MFSD8: variants seen among roughly 807,000 people sequenced by gnomAD.
MFSD8 encodes major facilitator superfamily domain containing 8.
Under a neutral mutation model 66.4 loss-of-function variants are expected in MFSD8, and 55 were observed. The ratio of observed to expected loss-of-function variants is 0.83; its 90% CI spans 0.67 to 1.04. The LOEUF (loss-of-function observed/expected upper bound fraction) is 1.04, where lower values mean the gene tolerates loss of function less well. MFSD8 is among the 50% of genes least tolerant of loss of function. The probability of loss-of-function intolerance (pLI) is 0.00; values close to 1 mark genes in which losing one functional copy is unlikely to be tolerated. For missense variants in MFSD8, 550 were observed against 627.6 expected (o/e 0.88, Z 1.32); for synonymous variants, 202 against 212.8 (o/e 0.95, Z 0.44).
At chr4:127,953,546 T>TTG (rs1742370339) in intron 2 of MFSD8, among the ~76,000 whole-genome samples, 2 of 122,180 alleles carry the variant, frequency 1.6e-5, no homozygotes, top group African/African-American at 6.7e-5. Context: ...GCATTCTGTT[T>TTG]TTTTTTTTTT....
Position 127,955,898 on chromosome 4 carries a change from C to T in MFSD8, c.154+1603G>A, listed in dbSNP as rs140045991. ...CTTTGGGAGGCTGAGGCGGGCAGAT[C>T]ATGAGGTCACGAGATCGAGACCATC... On this transcript the variant is annotated intron_variant, in intron 2 of 11. Transcript: ENST00000641686. 7.5e-3 allele frequency among the ~76,000 whole-genome samples: 1,142 copies of T among 152,140 alleles called. 8 individuals carry two copies. The highest frequency in any genetic ancestry group is 9.3e-3 in the Non-Finnish European group (630 of 67,990).
rs1204863979 is a variant in MFSD8, at chr4:127,918,037, T to C, written c.*2593A>G. 1 of 152,212 alleles carries C rather than the reference T, an allele frequency of 6.6e-6. No homozygotes were observed. The allele number at this position is 152,212 out of a possible 1,614,324, so 9.4% of individuals were successfully genotyped here. A position where few individuals can be genotyped will look rare whatever the true frequency, so the allele number is the denominator to read the frequency against. On this transcript the variant is annotated 3_prime_UTR_variant, in exon 12 of 12. Transcript: ENST00000641686. Reference sequence around the variant, plus strand: ...GGTTTATATGAACAAGAAGAGTTTATTTTTAAATGTAAAGCTGAACAAGAT... The same window carrying C: ...GGTTTATATGAACAAGAAGAGTTTACTTTTAAATGTAAAGCTGAACAAGAT...
chr4:127,948,264 G>C (rs984964397), intron 3 of MFSD8, among the ~76,000 whole-genome samples: 1 of 151,996 alleles, frequency 6.6e-6, no homozygotes, highest in African/African-American at 2.4e-5. Flanking sequence ...AGTAATTATT[G>C]GTCACAGCTA....
At chr4:127,934,725 A>G (rs1316469992) in intron 7 of MFSD8, 1 of 151,516 alleles carries the variant, frequency 6.6e-6, no homozygotes, top group Non-Finnish European at 1.5e-5. Flanking sequence ...GACTACAGCT[A>G]TTTTTGTATT....
intron 3 of MFSD8, among the ~76,000 whole-genome samples, chr4:127,948,303 A>G (rs534850505): frequency 1.4e-4 from 22 of 152,238 alleles, no homozygotes; most frequent in African/African-American, 4.8e-4. Context: ...CTCCTAATAA[A>G]TAGAAAACAC....
At chr4:127,924,575 TA>T (rs1736888590) in intron 9 of MFSD8, among the ~76,000 whole-genome samples, 1 of 152,112 alleles carries the variant, frequency 6.6e-6, no homozygotes, top group Non-Finnish European at 1.5e-5. Flanking sequence ...AAACCACTGC[TA>T]AAGGACATAA....
intron 9 of MFSD8, among the ~76,000 whole-genome samples, chr4:127,923,514 C>T (rs953062602): frequency 6.7e-6 from 1 of 149,948 alleles, no homozygotes; most frequent in African/African-American, 2.5e-5. Context: ...TGATGTGCTG[C>T]TGAATTCAGT....
chr4:127,963,696 G>C (rs1168102010), intron 1 of MFSD8, among the ~76,000 whole-genome samples: 1 of 152,190 alleles, frequency 6.6e-6, no homozygotes, highest in Non-Finnish European at 1.5e-5. Context: ...CATAAAAGCC[G>C]TATGGTCCCA....
intron 7 of MFSD8, among the ~76,000 whole-genome samples, chr4:127,934,355 G>T (rs1435657689): frequency 6.6e-6 from 1 of 151,938 alleles, no homozygotes; most frequent in Non-Finnish European, 1.5e-5. Context: ...AGGATTTGAC[G>T]GTGGTTTTAT....
At position 127,918,316 on chromosome 4, in the gene MFSD8, C is replaced by T. The variant is rs1386466120; in HGVS notation, c.*2314G>A. On this transcript the variant is annotated 3_prime_UTR_variant, in exon 12 of 12. Transcript: ENST00000641686. ...CTCTTTTCCCAATCCCATGTTACTT[C>T]CTTTCGCCTTCTTTTGTGCCAAGAT... 2.0e-5 allele frequency: 3 copies of T among 152,088 alleles called. No homozygotes were observed. In the East Asian group the frequency reaches 5.8e-4, roughly 29 times the overall value. 9.4% of individuals were successfully genotyped at this position (152,088 alleles called of 1,614,324 possible).
intron 3 of MFSD8, among the ~76,000 whole-genome samples, chr4:127,949,051 C>T (rs1019859956): frequency 6.6e-6 from 1 of 152,112 alleles, no homozygotes; most frequent in Admixed American, 6.6e-5. Context: ...AAAAGTATTT[C>T]GTGATCAACA....
chr4:127,945,007 C>G lies in MFSD8; in HGVS notation c.199-1015G>C, dbSNP rs527877768. Among the ~76,000 whole-genome samples the G allele has an allele frequency of 7.9e-5, 12 of 152,152 alleles. No homozygotes were observed. The South Asian group carries it at 2.5e-3, about 32-fold the overall frequency. On this transcript the variant is annotated intron_variant, in intron 3 of 11. Coordinates refer to ENST00000641686, the MANE Select transcript of MFSD8 (RefSeq NM_001371596.2). ...CGCACTCAGCCAGATTACTTTTTTT[C>G]ATATGTGGTAGGCTAAGCCAGGCGA...
At chr4:127,932,334 G>T (rs1447620126) in intron 8 of MFSD8, 5 of 152,070 alleles carry the variant, frequency 3.3e-5, no homozygotes, top group Admixed American at 3.3e-4. Context: ...CATAATCTAT[G>T]TAAGTTTAAT....
rs141923297 is a variant in MFSD8 at position 127,918,200 on chromosome 4, C to G, written c.*2430G>C. The G allele has an allele frequency of 3.9e-5, 6 of 152,284 alleles. No individual in the cohort carries two copies. Among genetic ancestry groups the G allele is most frequent in the African/African-American group, 1.2e-4 (5 of 41,576 alleles). The allele number at this position is 152,284 out of a possible 1,614,324, so 9.4% of individuals were successfully genotyped here. A position where few individuals can be genotyped will look rare whatever the true frequency, so the allele number is the denominator to read the frequency against. On this transcript the variant is annotated 3_prime_UTR_variant, in exon 12 of 12. Coordinates refer to ENST00000641686, the MANE Select transcript of MFSD8 (RefSeq NM_001371596.2). ...TTAACAATATATCATACCTTAAAAT[C>G]TCCTGTTGTCATTTTCTCTTTATAC...
intron 3 of MFSD8, among the ~76,000 whole-genome samples, chr4:127,949,450 C>T (rs2148942301): frequency 6.6e-6 from 1 of 152,258 alleles, no homozygotes; most frequent in East Asian, 1.9e-4. Flanking sequence ...ATATCATTTA[C>T]ACACTTTAGG....
intron 1 of MFSD8, among the ~76,000 whole-genome samples, chr4:127,963,270 GA>G (rs1472236246): frequency 1.2e-4 from 18 of 152,184 alleles, no homozygotes; most frequent in African/African-American, 4.3e-4. Flanking sequence ...TACTAAGACC[GA>G]TACCTTCAAG....
chr4:127,956,298 G>A (rs1578979276), intron 2 of MFSD8, among the ~76,000 whole-genome samples: 1 of 151,684 alleles, frequency 6.6e-6, no homozygotes, highest in Non-Finnish European at 1.5e-5. Context: ...GAGGTCAGGA[G>A]ATCAAGACAT....
intron 1 of MFSD8, among the ~76,000 whole-genome samples, chr4:127,959,401 GT>G (rs1743384792): frequency 6.6e-6 from 1 of 151,782 alleles, no homozygotes; most frequent in South Asian, 2.1e-4. Context: ...TTTTATTTTT[GT>G]TTTTTTAAAG....
chr4:127,964,377 G>A (rs1744552624), intron 1 of MFSD8, among the ~76,000 whole-genome samples: 1 of 152,222 alleles, frequency 6.6e-6, no homozygotes, highest in South Asian at 2.1e-4. Flanking sequence ...CCCGAGCCCT[G>A]CCCCGCGGGA....
Sources: allele counts gnomAD v4.1 joint callset (sites outside exome capture counted in the v4.1 genomes callset), GRCh38; gene constraint gnomAD v4.1.1; transcripts MANE v1.5; gene names NCBI Gene and HGNC (gene_info 2026-07-23, HGNC 2026-07-21).